MAD1L1: variants seen among roughly 807,000 people sequenced by gnomAD.
MAD1L1 encodes mitotic spindle assembly checkpoint protein MAD1.
In MAD1L1, 95 loss-of-function variants were observed where a neutral mutation model predicts 96.9. The observed-to-expected ratio is 0.98, with a 90% CI of 0.83 to 1.16. The LOEUF (loss-of-function observed/expected upper bound fraction) is 1.16. Among genes scored for constraint, MAD1L1 ranks in the 50% most tolerant of loss-of-function variants. MAD1L1 has a pLI of 0.00. For missense variants in MAD1L1, 1,007 were observed against 954.4 expected, an observed-to-expected ratio of 1.06 and a Z score of -0.73; for synonymous variants, 473 against 396.6, an observed-to-expected ratio of 1.19 and a Z score of -2.29.
chr7:2,077,080 T>A, intron 11 of MAD1L1, among the ~76,000 whole-genome samples: 1 of 147,528 alleles, frequency 6.8e-6, no homozygotes, highest in East Asian at 2.0e-4. Context: ...CAAGACAGAG[T>A]TACGACTTGG....
At chr7:2,214,807 G>A (rs996003763) in intron 9 of MAD1L1, among the ~76,000 whole-genome samples, 1 of 152,202 alleles carries the variant, frequency 6.6e-6, no homozygotes, top group Non-Finnish European at 1.5e-5. Flanking sequence ...CTGCCGCGGT[G>A]AAGACAGAAC....
chr7:2,067,132 C>A (rs899894308), intron 12 of MAD1L1, among the ~76,000 whole-genome samples: 1 of 152,182 alleles, frequency 6.6e-6, no homozygotes, highest in African/African-American at 2.4e-5. Flanking sequence ...ACAAGGTGCA[C>A]TCAAGGGGGT....
At chr7:2,086,888 G>A (rs1179306289) in intron 11 of MAD1L1, among the ~76,000 whole-genome samples, 3 of 152,186 alleles carry the variant, frequency 2.0e-5, no homozygotes, top group African/African-American at 7.2e-5. Flanking sequence ...TAAAAGCAAG[G>A]GTGGCAGAGA....
In MAD1L1 at chr7:1,907,577, G is replaced by A. The variant is rs1787745681; in HGVS notation, c.1808-9187C>T. On this transcript the variant is annotated intron_variant, in intron 17 of 18. Coordinates refer to ENST00000265854, the MANE Select transcript of MAD1L1 (RefSeq NM_001013836.2). ...TGATGACGCCGCCACGGGGCCAGGA[G>A]GAAGGGAGTGATTCCAGGCTCCATA... Among the ~76,000 whole-genome samples, 2 of 152,246 alleles carry A rather than the reference G, an allele frequency of 1.3e-5. 1 individual carries two copies. The highest frequency in any genetic ancestry group is 4.1e-4 in the South Asian group (2 of 4,826).
chr7:1,866,897 C>T (rs1486939934), intron 18 of MAD1L1, among the ~76,000 whole-genome samples: 3 of 152,168 alleles, frequency 2.0e-5, no homozygotes, highest in East Asian at 3.9e-4. Flanking sequence ...CTCCTGCAGG[C>T]GTCTCACTGT....
At chr7:2,181,330 T>G (rs1791189954) in intron 10 of MAD1L1, among the ~76,000 whole-genome samples, 1 of 152,262 alleles carries the variant, frequency 6.6e-6, no homozygotes, top group Non-Finnish European at 1.5e-5. Flanking sequence ...TCATGACTTT[T>G]CTGAACTAAT....
intron 16 of MAD1L1, among the ~76,000 whole-genome samples, chr7:1,939,833 G>A (rs1190978495): frequency 1.3e-5 from 2 of 152,122 alleles, no homozygotes; most frequent in Non-Finnish European, 1.5e-5. Flanking sequence ...GAAGGACGGC[G>A]AGGCCTGGCT....
intron 17 of MAD1L1, among the ~76,000 whole-genome samples, chr7:1,909,817 G>A (rs1170097451): frequency 1.3e-5 from 2 of 152,174 alleles, no homozygotes; most frequent in East Asian, 1.9e-4. Flanking sequence ...CTTGAGACAC[G>A]GCCTCCATGA....
rs573908490 is a variant in MAD1L1, at chr7:2,030,902, T to C, written c.1219-16260A>G. Among the ~76,000 whole-genome samples the C allele has an allele frequency of 2.6e-5, 4 of 152,306 alleles. No homozygotes were observed. The South Asian group carries it at 8.3e-4, about 32-fold the overall frequency. The stretch of plus-strand genomic sequence containing the variant: ...TACCATGTCTCTCCCTTGTTCCCAT[T>C]CCATCCTCTCTGTTCTTCCTCATTT... On this transcript the variant is annotated intron_variant, in intron 12 of 18. Coordinates refer to ENST00000265854, the MANE Select transcript of MAD1L1 (RefSeq NM_001013836.2).
chr7:2,188,528 A>C (rs1463931231), intron 10 of MAD1L1, among the ~76,000 whole-genome samples: 2 of 152,246 alleles, frequency 1.3e-5, no homozygotes, highest in Non-Finnish European at 2.9e-5. Flanking sequence ...GATCCCAGAA[A>C]TAAACACTTT....
At chr7:2,038,667 C>T (rs553897859) in intron 12 of MAD1L1, among the ~76,000 whole-genome samples, 1 of 151,798 alleles carries the variant, frequency 6.6e-6, no homozygotes, top group African/African-American at 2.4e-5. Context: ...TGTGTGCCAC[C>T]ACGCCTCACT....
At chr7:1,920,258 A>G (rs1057267583) in intron 17 of MAD1L1, among the ~76,000 whole-genome samples, 1 of 152,174 alleles carries the variant, frequency 6.6e-6, no homozygotes, top group Non-Finnish European at 1.5e-5. Context: ...GTGCGTGTGC[A>G]TGTGCGTGTG....
intron 18 of MAD1L1, among the ~76,000 whole-genome samples, chr7:1,897,557 T>C (rs1381110190): frequency 1.3e-5 from 2 of 152,202 alleles, no homozygotes; most frequent in Non-Finnish European, 2.9e-5. Context: ...GAGGTCCAAG[T>C]GGGGCCACCT....
At chr7:1,878,490 G>A (rs1015342737) in intron 18 of MAD1L1, among the ~76,000 whole-genome samples, 3 of 151,656 alleles carry the variant, frequency 2.0e-5, no homozygotes, top group African/African-American at 7.3e-5. Flanking sequence ...ATGCAAGTTA[G>A]GTTTAACATT....
rs1311206238 is a variant in MAD1L1 at position 1,816,207 on chromosome 7, T to G, written c.2020A>C (p.Lys674Gln). ...AACTCTGTCTCCAGTAGCTGCATCT[T>G]GGAACCCGAGGGGCTGGTGGCCTGC... is the stretch of plus-strand genomic sequence containing the variant. ...IFKATSPSGS[K>Q]MQLLETEFSH... The change falls in exon 19 of 19, where the codon AAG becomes CAG. Residue 674 changes from lysine (K) to glutamine (Q), a missense_variant. Coordinates refer to ENST00000265854, the MANE Select transcript of MAD1L1 (RefSeq NM_001013836.2). The G allele has an allele frequency of 6.2e-7, 1 of 1,612,432 alleles. No homozygotes were observed.
At chr7:1,887,773 CTGTG>C (rs534988640) in intron 18 of MAD1L1, among the ~76,000 whole-genome samples, 14 of 133,320 alleles carry the variant, frequency 1.1e-4, no homozygotes, top group African/African-American at 5.8e-5. Context: ...ATGTGGCTGC[CTGTG>C]TGTGTGCATG....
At chr7:2,049,562 G>A (rs893520676) in intron 12 of MAD1L1, among the ~76,000 whole-genome samples, 7 of 152,334 alleles carry the variant, frequency 4.6e-5, no homozygotes, top group South Asian at 2.1e-4. Flanking sequence ...CACCTAGTCC[G>A]CCCAGGGGCC....
intron 10 of MAD1L1, among the ~76,000 whole-genome samples, chr7:2,195,956 G>A (rs1791964390): frequency 6.6e-6 from 1 of 152,282 alleles, no homozygotes. Flanking sequence ...ATGGATGGCA[G>A]CTCCCAACAG....
chr7:1,863,093 C>A (rs1010103350), intron 18 of MAD1L1, among the ~76,000 whole-genome samples: 1 of 152,276 alleles, frequency 6.6e-6, no homozygotes, highest in Admixed American at 6.5e-5. Context: ...ACCCTCCATC[C>A]AACCCCCCAA....
Sources: allele counts gnomAD v4.1 joint callset (sites outside exome capture counted in the v4.1 genomes callset), GRCh38; gene constraint gnomAD v4.1.1; transcripts MANE v1.5; gene names NCBI Gene and HGNC (gene_info 2026-07-23, HGNC 2026-07-21).